CBY1: variants seen among roughly 807,000 people sequenced by gnomAD.
CBY1 encodes chibby 1, beta catenin antagonist, also known as protein chibby homolog 1.
In CBY1, 10 loss-of-function variants were observed where a neutral mutation model predicts 15.6. That is an observed-to-expected ratio of 0.64 (90% CI 0.40 to 1.09). CBY1 has a LOEUF of 1.09. CBY1 is among the 50% of genes least tolerant of loss of function. CBY1 has a pLI of 0.01. For missense variants in CBY1, 150 were observed against 160.5 expected (o/e 0.93, Z 0.35); for synonymous variants, 61 against 63.5 (o/e 0.96, Z 0.19).
intron 1 of CBY1, among the ~76,000 whole-genome samples, chr22:38,664,718 T>C (rs1455898483): frequency 2.0e-5 from 3 of 152,198 alleles, no homozygotes; most frequent in African/African-American, 7.2e-5. Context: ...GAAAACCATT[T>C]GGCAGAATCT....
Position 38,673,298 on chromosome 22 carries a change from T to G in CBY1, c.*62T>G. ...CTGAGTGCTTTTTTTTTGGCCAGAC[T>G]AGCGGATTCAGTCCTGGAAGAGAGT... On this transcript the variant is annotated 3_prime_UTR_variant, in exon 5 of 5. Transcript: ENST00000216029. 3 of 1,041,994 alleles carry G rather than the reference T, an allele frequency of 2.9e-6. No individual in the cohort carries two copies. The highest frequency in any genetic ancestry group is 1.8e-5 in the Admixed American group (1 of 56,998). The allele number at this position is 1,041,994 out of a possible 1,614,324, so 64.5% of individuals were successfully genotyped here. A position where few individuals can be genotyped will look rare whatever the true frequency, so the allele number is the denominator to read the frequency against.
At chr22:38,669,670 G>C (rs2092446802) in intron 2 of CBY1, 1 of 152,290 alleles carries the variant, frequency 6.6e-6, no homozygotes, top group Admixed American at 6.6e-5. Context: ...ACTGAGAAAG[G>C]GACATTTGAG....
chr22:38,656,880 G>C (rs553510833), intron 1 of CBY1, 130 bp downstream of exon 1: 1 of 152,418 alleles, frequency 6.6e-6, no homozygotes, highest in African/African-American at 2.4e-5. Flanking sequence ...ACGGAGGCCG[G>C]GCGACCCCGG....
rs374347030 is a variant in CBY1 at position 38,671,164 on chromosome 22, G to A, written c.279G>A (p.Leu93=). The part of the protein sequence containing the change: ...QLEEENNLLR[L]KVDILLDMLS... ...AGGAAGAGAACAATCTCTTGCGGCT[G>A]AAAGTGGACATCTTATTAGACATGG... Residue 93 remains leucine (L), a synonymous_variant, in exon 4 of 5, where the codon CTG becomes CTA. Coordinates refer to ENST00000216029, the MANE Select transcript of CBY1 (RefSeq NM_015373.4). 2.4e-5 allele frequency: 39 copies of A among 1,613,688 alleles called. No individual in the cohort carries two copies. Among genetic ancestry groups the A allele is most frequent in the Non-Finnish European group, 2.7e-5 (32 of 1,179,698 alleles).
rs541556949 is a variant in CBY1, at chr22:38,661,059, C to G, written c.-39+4309C>G. Among the ~76,000 whole-genome samples, 173 of 152,290 alleles carry G rather than the reference C, an allele frequency of 1.1e-3. 1 individual carries two copies. The highest frequency in any genetic ancestry group is 4.0e-3 in the African/African-American group (167 of 41,564). On this transcript the variant is annotated intron_variant, in intron 1 of 4. Coordinates refer to ENST00000216029, the MANE Select transcript of CBY1 (RefSeq NM_015373.4). Reference sequence around the variant, plus strand: ...ATCTTGGTCCCCACCCCGTCCCCTCCACTACCAAGCTGGAAGCACTCTGGT... The same window carrying G: ...ATCTTGGTCCCCACCCCGTCCCCTCGACTACCAAGCTGGAAGCACTCTGGT...
At chr22:38,665,439 G>A (rs1219416549) in intron 1 of CBY1, 3 of 376,458 alleles carry the variant, frequency 8.0e-6, no homozygotes, top group African/African-American at 6.2e-5. Context: ...ACTCCAACCT[G>A]GGGGACCAGA....
chr22:38,673,026 T>C (rs2092457629), intron 4 of CBY1, 133 bp from the exon 5 acceptor site: 1 of 618,406 alleles, frequency 1.6e-6, no homozygotes, highest in African/African-American at 1.8e-5. Context: ...TTACAGAGGG[T>C]TTCCCATCGA....
chr22:38,664,944 A>C (rs539334372), intron 1 of CBY1, among the ~76,000 whole-genome samples: 1 of 152,240 alleles, frequency 6.6e-6, no homozygotes, highest in East Asian at 1.9e-4. Flanking sequence ...CCTGGGCTGA[A>C]GCAATCCTTC....
intron 1 of CBY1, among the ~76,000 whole-genome samples, chr22:38,659,311 A>C (rs1228401349): frequency 6.7e-6 from 1 of 149,944 alleles, no homozygotes; most frequent in African/African-American, 2.5e-5. Flanking sequence ...CCAGGCTAGA[A>C]TACAGTGGCA....
intron 2 of CBY1, among the ~76,000 whole-genome samples, chr22:38,669,341 G>A (rs1012600898): frequency 2.0e-5 from 3 of 152,164 alleles, no homozygotes; most frequent in Non-Finnish European, 4.4e-5. Flanking sequence ...CTCTGCGCAC[G>A]CTACTCCTTC....
chr22:38,660,275 A>G (rs1046002093), intron 1 of CBY1, among the ~76,000 whole-genome samples: 1 of 151,550 alleles, frequency 6.6e-6, no homozygotes, highest in Admixed American at 6.6e-5. Flanking sequence ...GCTCACTGCA[A>G]CCTCTGCCTC....
intron 1 of CBY1, 152 bp from the exon 2 acceptor site, chr22:38,667,865 C>G (rs1051377616): frequency 1.0e-5 from 6 of 596,910 alleles, no homozygotes; most frequent in African/African-American, 1.9e-5. Context: ...AATGGCAATT[C>G]AATTTCAACA....
In CBY1 at chr22:38,670,940, G is replaced by T; in HGVS notation, c.135G>T (p.Met45Ile). ...GCTTGGAATACGGATCCCCGACTAT[G>T]AACCTGGCAGGGCAAAGCCTGAAGT... ...ELGLEYGSPTMNLAGQSLKFE... is the reference protein window; with the variant it reads ...ELGLEYGSPTINLAGQSLKFE... Residue 45 changes from methionine to isoleucine, a missense_variant, in exon 3 of 5, where the codon ATG (methionine) becomes ATT (isoleucine). Physicochemically the swap from Met to Ile is conservative, Grantham distance 10 (BLOSUM62 1). Transcript: ENST00000216029. 1 of 1,614,208 alleles carries T rather than the reference G, an allele frequency of 6.2e-7. No individual in the cohort carries two copies. The highest frequency in any genetic ancestry group is 1.1e-5 in the South Asian group (1 of 91,082).
chr22:38,663,537 A>G (rs1457523044), intron 1 of CBY1, among the ~76,000 whole-genome samples: 1 of 150,986 alleles, frequency 6.6e-6, no homozygotes, highest in Non-Finnish European at 1.5e-5. Flanking sequence ...CTCTACTAAA[A>G]ATACAAAAAT....
intron 2 of CBY1, 178 bp downstream of exon 2, chr22:38,668,310 T>C: frequency 1.8e-6 from 1 of 552,194 alleles, no homozygotes; most frequent in Non-Finnish European, 3.3e-6. Context: ...TCGTCAGAGC[T>C]TGTTTATCCA....
chr22:38,660,143 G>A (rs1241371998), intron 1 of CBY1, among the ~76,000 whole-genome samples: 1 of 151,660 alleles, frequency 6.6e-6, no homozygotes, highest in East Asian at 1.9e-4. Context: ...ATCAACCATG[G>A]GTATTATTCA....
chr22:38,671,409 CT>C (rs1315280997), intron 4 of CBY1: 18 of 551,804 alleles, frequency 3.3e-5, no homozygotes, highest in Non-Finnish European at 5.9e-5. Context: ...CAGTTGGAGT[CT>C]GCACAGGATC....
chr22:38,663,499 C>G (rs1184646924), intron 1 of CBY1, among the ~76,000 whole-genome samples: 3 of 151,660 alleles, frequency 2.0e-5, no homozygotes, highest in Non-Finnish European at 4.4e-5. Context: ...AGTTCGAGAC[C>G]AGCCTGACCA....
chr22:38,665,634 C>G, intron 1 of CBY1: 2 of 712,698 alleles, frequency 2.8e-6, no homozygotes, highest in South Asian at 1.4e-4. Flanking sequence ...GTGTGAGAAG[C>G]CAGATGCAAA....
Sources: allele counts gnomAD v4.1 joint callset (sites outside exome capture counted in the v4.1 genomes callset), GRCh38; gene constraint gnomAD v4.1.1; transcripts MANE v1.5; gene names NCBI Gene and HGNC (gene_info 2026-07-23, HGNC 2026-07-21).